Variants in TBC1D22A observed in about 807,000 individuals in gnomAD.
The protein encoded by TBC1D22A is putative GTPase activator.
TBC1D22A carries 38 observed loss-of-function variants against 60.2 expected under a neutral mutation model. That is an observed-to-expected ratio of 0.63 (90% CI 0.49 to 0.83). The LOEUF is 0.83. TBC1D22A is among the 40% of genes least tolerant of loss of function. The pLI, the probability that TBC1D22A is intolerant of heterozygous loss-of-function variation, is 0.00. For missense variants in TBC1D22A, 628 were observed against 701.0 expected (o/e 0.90, Z 1.18); for synonymous variants, 302 against 281.7 (o/e 1.07, Z -0.72).
chr22:46,951,876 T>C (rs896874684), intron 8 of TBC1D22A, among the ~76,000 whole-genome samples: 2 of 152,256 alleles, frequency 1.3e-5, no homozygotes, highest in African/African-American at 4.8e-5. Flanking sequence ...CCAGAGGCTC[T>C]GCATGAGGGG....
At chr22:47,125,651 G>C (rs1465568242) in intron 12 of TBC1D22A, among the ~76,000 whole-genome samples, 2 of 152,162 alleles carry the variant, frequency 1.3e-5, no homozygotes, top group Non-Finnish European at 2.9e-5. Context: ...TGACTTGCAG[G>C]GATCTTTAAG....
intron 12 of TBC1D22A, among the ~76,000 whole-genome samples, chr22:47,148,050 G>T (rs2067351153): frequency 6.6e-6 from 1 of 152,222 alleles, no homozygotes; most frequent in Non-Finnish European, 1.5e-5. Flanking sequence ...TCCCAGAGGT[G>T]CCTCAGGGTG....
intron 5 of TBC1D22A, among the ~76,000 whole-genome samples, chr22:46,886,186 G>A (rs4823577): frequency 0.55 from 83,751 of 151,948 alleles, 26,393 homozygotes; most frequent in Middle Eastern, 0.75. Context: ...GGTGTGAGCC[G>A]CCGCGCCCGG....
intron 4 of TBC1D22A, among the ~76,000 whole-genome samples, chr22:46,837,953 C>T (rs894154672): frequency 1.3e-5 from 2 of 152,076 alleles, no homozygotes; most frequent in African/African-American, 2.4e-5. Context: ...CCCACCTACT[C>T]GGGAGGCTGA....
chr22:47,057,366 G>A (rs2063429966), intron 11 of TBC1D22A, among the ~76,000 whole-genome samples: 1 of 152,340 alleles, frequency 6.6e-6, no homozygotes, highest in South Asian at 2.1e-4. Context: ...GCACTTTGCA[G>A]CAGGATTTTA....
At chr22:47,043,668 C>A (rs1215769581) in intron 11 of TBC1D22A, among the ~76,000 whole-genome samples, 4 of 152,034 alleles carry the variant, frequency 2.6e-5, no homozygotes, top group African/African-American at 9.7e-5. Context: ...GGCTGAGTTG[C>A]AGCTGAACAG....
intron 8 of TBC1D22A, among the ~76,000 whole-genome samples, chr22:46,948,537 C>G (rs1037575386): frequency 6.6e-6 from 1 of 152,220 alleles, no homozygotes; most frequent in Admixed American, 6.5e-5. Context: ...GTTTCTCACT[C>G]CGGGTGTGTA....
intron 11 of TBC1D22A, among the ~76,000 whole-genome samples, chr22:47,101,830 C>T (rs534916390): frequency 6.6e-6 from 1 of 152,236 alleles, no homozygotes; most frequent in East Asian, 1.9e-4. Flanking sequence ...TGTTAGGATC[C>T]GCCCACTACA....
intron 12 of TBC1D22A, among the ~76,000 whole-genome samples, chr22:47,118,757 C>T (rs1216894884): frequency 6.6e-6 from 1 of 151,622 alleles, no homozygotes; most frequent in Non-Finnish European, 1.5e-5. Context: ...TGGCTGAAAA[C>T]ATAGTCCTCC....
intron 4 of TBC1D22A, among the ~76,000 whole-genome samples, chr22:46,813,015 C>A (rs1411587698): frequency 1.3e-5 from 2 of 152,184 alleles, no homozygotes; most frequent in African/African-American, 4.8e-5. Flanking sequence ...CGCTGCTGCC[C>A]CTTGGTCCGC....
chr22:46,855,395 C>T (rs1381501964), intron 4 of TBC1D22A, among the ~76,000 whole-genome samples: 2 of 152,176 alleles, frequency 1.3e-5, no homozygotes, highest in Non-Finnish European at 1.5e-5. Context: ...TCCTCAGCAC[C>T]TCATCTGTGC....
At chr22:47,067,143 A>T (rs1037484121) in intron 11 of TBC1D22A, among the ~76,000 whole-genome samples, 1 of 152,130 alleles carries the variant, frequency 6.6e-6, no homozygotes, top group Non-Finnish European at 1.5e-5. Context: ...GCACGTGCCT[A>T]TAAACCCAGC....
At chr22:46,888,396 A>C (rs578184574) in intron 5 of TBC1D22A, among the ~76,000 whole-genome samples, 1 of 152,350 alleles carries the variant, frequency 6.6e-6, no homozygotes, top group East Asian at 1.9e-4. Flanking sequence ...AGATGGGGAA[A>C]CACTTTCAAA....
At position 46,806,017 on chromosome 22, in the gene TBC1D22A, T is replaced by C. The variant is rs530486176; in HGVS notation, c.637+8397T>C. On this transcript the variant is annotated intron_variant, in intron 4 of 12. Transcript: ENST00000337137. ...ACAGGCACCCACCACCACACCCGGC[T>C]AAGTTTTGTATTTTTAGTAGAGACG... Among the ~76,000 whole-genome samples, 8 of 78,230 alleles carry C rather than the reference T, an allele frequency of 1.0e-4. No homozygotes were observed. In the South Asian group the frequency reaches 2.4e-3, roughly 24 times the overall value. The allele number at this position is 78,230 out of a possible 152,430, so 51.3% of individuals were successfully genotyped here.
At chr22:46,915,653 G>A (rs1027153127) in intron 8 of TBC1D22A, 8 of 456,580 alleles carry the variant, frequency 1.8e-5, no homozygotes, top group Admixed American at 4.7e-5. Flanking sequence ...AGAAATCCCC[G>A]GGGTGTGGGA....
chr22:46,975,065 A>C (rs538244057), intron 9 of TBC1D22A, among the ~76,000 whole-genome samples: 2 of 152,334 alleles, frequency 1.3e-5, no homozygotes, highest in African/African-American at 4.8e-5. Context: ...TAGGTGAGTC[A>C]GGAATGAGGA....
At position 47,060,444 on chromosome 22, in the gene TBC1D22A, T is replaced by C. The variant is rs575433378; in HGVS notation, c.1329+23246T>C. ...TTTGTTGTTGTTGTTGTTTTGGTTT[T>C]TTCTGAGATGGAGTCTCGCTCTGTA... On this transcript the variant is annotated intron_variant, in intron 11 of 12. Coordinates refer to ENST00000337137, the MANE Select transcript of TBC1D22A (RefSeq NM_014346.5). 6.9e-3 allele frequency among the ~76,000 whole-genome samples: 1,052 copies of C among 152,038 alleles called. 9 individuals carry two copies. The highest frequency in any genetic ancestry group is 0.018 in the South Asian group (85 of 4,802).
At chr22:46,884,901 G>A (rs1002588145) in intron 5 of TBC1D22A, among the ~76,000 whole-genome samples, 19 of 152,160 alleles carry the variant, frequency 1.2e-4, no homozygotes, top group African/African-American at 4.6e-4. Context: ...GACGAGTCTC[G>A]GCCTCTTGGT....
chr22:46,803,063 G>A (rs527539555), intron 4 of TBC1D22A, among the ~76,000 whole-genome samples: 1 of 152,268 alleles, frequency 6.6e-6, no homozygotes, highest in East Asian at 1.9e-4. Flanking sequence ...GCCAGGGAAA[G>A]CAGTGTGTTT....
Sources: allele counts gnomAD v4.1 joint callset (sites outside exome capture counted in the v4.1 genomes callset), GRCh38; gene constraint gnomAD v4.1.1; transcripts MANE v1.5; gene names NCBI Gene and HGNC (gene_info 2026-07-23, HGNC 2026-07-21).